Variants in SESTD1 observed in about 807,000 individuals in gnomAD.
The protein encoded by SESTD1 is SEC14 domain and spectrin repeat-containing protein 1.
A neutral mutation model predicts 101.7 loss-of-function variants in SESTD1; 43 were observed. The observed-to-expected ratio is 0.42, with a 90% CI of 0.33 to 0.55. SESTD1 has a LOEUF of 0.55. Among genes scored for constraint, SESTD1 ranks in the 20% least tolerant of loss-of-function variants. SESTD1 has a pLI of 0.07. For synonymous variants in SESTD1, 283 were observed against 286.8 expected (o/e 0.99, Z 0.13); for missense variants, 647 against 815.1 (o/e 0.79, Z 2.51).
At chr2:179,136,546 T>C (rs149245345) in intron 9 of SESTD1, among the ~76,000 whole-genome samples, 2 of 152,298 alleles carry the variant, frequency 1.3e-5, no homozygotes, top group Non-Finnish European at 2.9e-5. Flanking sequence ...GTGTTACAAA[T>C]ACAGATATAG....
chr2:179,180,066 T>C (rs1379442658), intron 3 of SESTD1, among the ~76,000 whole-genome samples: 1 of 152,198 alleles, frequency 6.6e-6, no homozygotes, highest in Non-Finnish European at 1.5e-5. Context: ...TTTGTTTTCA[T>C]AGCACTCATG....
At chr2:179,243,430 T>G (rs969135913) in intron 1 of SESTD1, among the ~76,000 whole-genome samples, 3 of 152,118 alleles carry the variant, frequency 2.0e-5, no homozygotes, top group African/African-American at 7.2e-5. Context: ...AGAAAATAAA[T>G]TGTTCTACCA....
Position 179,190,575 on chromosome 2 carries a change from A to G in SESTD1, c.55+1212T>C, listed in dbSNP as rs148859663. ...TAAACTAAAGAGCTTCTGCACAACA[A>G]AAGAAACTATCAATAAACAGACAAC... On this transcript the variant is annotated intron_variant, in intron 2 of 17. Transcript: ENST00000428443. Among the ~76,000 whole-genome samples the G allele has an allele frequency of 2.3e-3, 352 of 152,308 alleles. 2 individuals carry two copies. Among genetic ancestry groups the G allele is most frequent in the Non-Finnish European group, 3.2e-3 (221 of 68,030 alleles).
chr2:179,144,761 ATAC>A (rs1486803864), intron 8 of SESTD1, among the ~76,000 whole-genome samples: 2 of 152,038 alleles, frequency 1.3e-5, no homozygotes, highest in Non-Finnish European at 2.9e-5. Flanking sequence ...TTTTTGTTTT[ATAC>A]TCTCTTTCAA....
At position 179,120,514 on chromosome 2, in the gene SESTD1, A is replaced by G. The variant is rs74747127; in HGVS notation, c.1442+1256T>C. Among the ~76,000 whole-genome samples, 169 of 152,362 alleles carry G rather than the reference A, an allele frequency of 1.1e-3. 3 individuals are homozygous for G. In the East Asian group the frequency reaches 0.026, roughly 24 times the overall value. On this transcript the variant is annotated intron_variant, in intron 13 of 17. Transcript: ENST00000428443. ...GAAGCAGTAACTTTAGCTAGTGGCC[A>G]AGAAATCAGTGACAAAAACCAAGAA... is the stretch of plus-strand genomic sequence containing the variant.
chr2:179,215,173 A>G (rs1404568486), intron 1 of SESTD1, among the ~76,000 whole-genome samples: 1 of 134,730 alleles, frequency 7.4e-6, no homozygotes, highest in East Asian at 2.0e-4. Flanking sequence ...ACACAAAAAA[A>G]CCTTCAAAAA....
At chr2:179,146,001 G>A (rs2045386702) in intron 8 of SESTD1, among the ~76,000 whole-genome samples, 1 of 151,814 alleles carries the variant, frequency 6.6e-6, no homozygotes, top group Non-Finnish European at 1.5e-5. Flanking sequence ...TAAAGCTGCG[G>A]TTCCCCCCAC....
In SESTD1 at chr2:179,206,233, C is replaced by A. The variant is rs183037374; in HGVS notation, c.-25-14367G>T. Reference sequence around the variant, plus strand: ...TGTTAACTTTTGTTCCAAGAATGACCACAGGAACATAACAGGAAAACTAAA... The same window carrying A: ...TGTTAACTTTTGTTCCAAGAATGACAACAGGAACATAACAGGAAAACTAAA... On this transcript the variant is annotated intron_variant, in intron 1 of 17. Coordinates refer to ENST00000428443, the MANE Select transcript of SESTD1 (RefSeq NM_178123.5). Among the ~76,000 whole-genome samples, 130 of 135,152 alleles carry A rather than the reference C, an allele frequency of 9.6e-4. 29 individuals carry two copies. Among genetic ancestry groups the A allele is most frequent in the African/African-American group, 3.7e-3 (126 of 34,272 alleles). 88.7% of individuals were successfully genotyped at this position (135,152 alleles called of 152,430 possible).
At chr2:179,201,499 A>C (rs1438153867) in intron 1 of SESTD1, among the ~76,000 whole-genome samples, 1 of 133,604 alleles carries the variant, frequency 7.5e-6, no homozygotes, top group Non-Finnish European at 1.6e-5. Flanking sequence ...CATTATCCAC[A>C]ATAGCAAAGG....
intron 2 of SESTD1, among the ~76,000 whole-genome samples, chr2:179,188,533 C>A (rs1296828363): frequency 6.6e-6 from 1 of 152,044 alleles, no homozygotes; most frequent in Non-Finnish European, 1.5e-5. Context: ...AGCTAATTGT[C>A]AGGGCTGAGG....
chr2:179,223,747 T>C (rs2046845390), intron 1 of SESTD1, among the ~76,000 whole-genome samples: 1 of 152,122 alleles, frequency 6.6e-6, no homozygotes, highest in Non-Finnish European at 1.5e-5. Flanking sequence ...ATGGATTAAA[T>C]GAAGGGAAGA....
intron 1 of SESTD1, among the ~76,000 whole-genome samples, chr2:179,249,556 C>T (rs944788777): frequency 1.3e-5 from 2 of 152,118 alleles, no homozygotes; most frequent in Non-Finnish European, 2.9e-5. Context: ...CATGGATTTG[C>T]AGACTCACTA....
intron 1 of SESTD1, among the ~76,000 whole-genome samples, chr2:179,219,142 A>G (rs1042039757): frequency 2.0e-5 from 3 of 152,190 alleles, no homozygotes; most frequent in African/African-American, 7.2e-5. Flanking sequence ...CTTGGTGGTT[A>G]AGATGGACAT....
intron 9 of SESTD1, among the ~76,000 whole-genome samples, chr2:179,135,655 A>G (rs1297432304): frequency 1.3e-5 from 2 of 152,164 alleles, no homozygotes; most frequent in African/African-American, 2.4e-5. Context: ...CAGGAGGCTG[A>G]GATTGGAGAA....
At chr2:179,190,844 A>G (rs1172679974) in intron 2 of SESTD1, among the ~76,000 whole-genome samples, 1 of 152,242 alleles carries the variant, frequency 6.6e-6, no homozygotes, top group African/African-American at 2.4e-5. Flanking sequence ...ACTAGTCAGA[A>G]TGTCTATTAT....
intron 1 of SESTD1, among the ~76,000 whole-genome samples, chr2:179,226,745 C>T (rs1278524349): frequency 6.6e-6 from 1 of 152,232 alleles, no homozygotes; most frequent in East Asian, 1.9e-4. Flanking sequence ...GTCAATAAAA[C>T]CAAAATAGTT....
In SESTD1 at chr2:179,124,487, A is replaced by G. The variant is rs2044825916; in HGVS notation, c.1044T>C (p.Asp348=). The G allele has an allele frequency of 3.7e-6, 6 of 1,614,106 alleles. No homozygotes were observed. Among genetic ancestry groups the G allele is most frequent in the Non-Finnish European group, 5.1e-6 (6 of 1,180,000 alleles). Residue 348 remains aspartate (D), a synonymous_variant, in exon 11 of 18, where the codon GAT becomes GAC. Transcript: ENST00000428443. ...AALLNAGDEE[D]LVELKSLQQQ... The stretch of plus-strand genomic sequence containing the variant: ...GCTGCAGTGACTTTAGTTCCACAAG[A>G]TCTTCCTCATCGCCAGCATTCAAGA...
chr2:179,197,445 G>C (rs1203836204), intron 1 of SESTD1, among the ~76,000 whole-genome samples: 1 of 152,076 alleles, frequency 6.6e-6, no homozygotes, highest in Non-Finnish European at 1.5e-5. Context: ...TTCACATTCA[G>C]GAAATACAGA....
rs1030859112 is a variant in SESTD1 at position 179,116,852 on chromosome 2, G to A, written c.1525-62C>T. The stretch of plus-strand genomic sequence containing the variant: ...AACTCTTTACTTATTGTATCAAAAT[G>A]TCATTTATACAGAGATTACTATCAT... On this transcript the variant is annotated intron_variant, in intron 14 of 17. Transcript: ENST00000428443. 6.4e-6 allele frequency: 10 copies of A among 1,573,632 alleles called. No individual in the cohort carries two copies. In the African/African-American group the frequency reaches 9.5e-5, roughly 15 times the overall value.
Sources: allele counts gnomAD v4.1 joint callset (sites outside exome capture counted in the v4.1 genomes callset), GRCh38; gene constraint gnomAD v4.1.1; transcripts MANE v1.5; gene names NCBI Gene and HGNC (gene_info 2026-07-23, HGNC 2026-07-21).